The following PP2D1 variants were observed in gnomAD, a reference collection of about 807,000 sequenced individuals.
PP2D1 encodes protein phosphatase 2C like domain containing 1, also known as protein phosphatase 2C-like domain-containing protein 1.
A neutral mutation model predicts 30.2 loss-of-function variants in PP2D1; 25 were observed. That is an observed-to-expected ratio of 0.83 (90% CI 0.60 to 1.16). PP2D1 has a LOEUF of 1.16. Among genes scored for constraint, PP2D1 ranks in the 50% most tolerant of loss-of-function variants. PP2D1 has a pLI of 0.00. For missense variants in PP2D1, 760 were observed against 742.4 expected (o/e 1.02, Z -0.28); for synonymous variants, 260 against 258.9 (o/e 1.00, Z -0.04).
chr3:20,001,102 C>A lies in PP2D1; in HGVS notation c.1018G>T (p.Gly340Trp). Reference sequence around the variant, plus strand: ...TGGGAAGGGGAGCTCTCTGCCAACCCATCATGGGTATTTTTTCTTTTCCAA... The same window carrying A: ...TGGGAAGGGGAGCTCTCTGCCAACCAATCATGGGTATTTTTTCTTTTCCAA... ...KNWKRKNTHDGLAESSPSQEM... is the reference protein window; with the variant it reads ...KNWKRKNTHDWLAESSPSQEM... The change falls in exon 2 of 3, where the codon GGG becomes TGG. Residue 340 changes from glycine (G) to tryptophan (W), a missense_variant. Physicochemically the swap from Gly to Trp is radical, Grantham distance 184. This residue lies in a region of PP2D1 where 17 missense variants were observed against 37.4 expected (regional missense o/e 0.45). Transcript: ENST00000389050. 1.4e-6 allele frequency: 2 copies of A among 1,421,518 alleles called. No homozygotes were observed. The highest frequency in any genetic ancestry group is 1.8e-4 in the Middle Eastern group (1 of 5,478). The allele number at this position is 1,421,518 out of a possible 1,614,324, so 88.1% of individuals were successfully genotyped here. A position where few individuals can be genotyped will look rare whatever the true frequency, so the allele number is the denominator to read the frequency against.
chr3:19,983,639 GA>G, downstream of PP2D1: 2 of 1,010,472 alleles, frequency 2.0e-6, no homozygotes, highest in Non-Finnish European at 3.0e-6. Context: ...AAAAATTATA[GA>G]TAAGCAGGTG....
intron 1 of PP2D1, among the ~76,000 whole-genome samples, chr3:20,006,260 CAAAT>C (rs936932381): frequency 6.6e-6 from 1 of 152,130 alleles, no homozygotes; most frequent in African/African-American, 2.4e-5. Context: ...CAAAAACAAA[CAAAT>C]AAACAAATAC....
chr3:19,983,219 C>G (rs976271649), downstream of PP2D1, among the ~76,000 whole-genome samples: 6 of 151,834 alleles, frequency 4.0e-5, no homozygotes, highest in African/African-American at 1.5e-4. Flanking sequence ...GCCTGTAATT[C>G]CAGCTACTCG....
At chr3:19,984,218 C>A (rs1696989171), downstream of PP2D1, 1 of 419,922 alleles carries the variant, frequency 2.4e-6, no homozygotes, top group Middle Eastern at 4.3e-4. Context: ...CAAAAACATT[C>A]TTTGTTTAGA....
chr3:20,012,018 G>T, intron 1 of PP2D1, 32 bp downstream of exon 1: 1 of 1,484,920 alleles, frequency 6.7e-7, no homozygotes, highest in Non-Finnish European at 9.1e-7. Context: ...TTGGCTATAC[G>T]TATTATCCAA....
At chr3:19,981,462 A>G (rs1002393996), downstream of PP2D1, among the ~76,000 whole-genome samples, 19 of 151,966 alleles carry the variant, frequency 1.3e-4, no homozygotes, top group African/African-American at 4.4e-4. Context: ...AAAAATAGAA[A>G]AATTAGCTGG....
chr3:19,995,634 G>A (rs537857484), intron 2 of PP2D1, among the ~76,000 whole-genome samples: 3 of 152,278 alleles, frequency 2.0e-5, no homozygotes, highest in South Asian at 4.1e-4. Flanking sequence ...CCCACGATAA[G>A]TGAAAAGTCA....
At position 20,001,138 on chromosome 3, in the gene PP2D1, C is replaced by A; in HGVS notation, c.982G>T (p.Ala328Ser). ...TTTTTTCTTTTCCAATTCTTATGAG[C>A]ATAAGGACTTTTAGGTTTGCCTTCC... is the stretch of plus-strand genomic sequence containing the variant. ...ILEGKPKSPY[A>S]HKNWKRKNTH... Residue 328 changes from alanine to serine, a missense_variant, in exon 2 of 3, where the codon GCT (alanine) becomes TCT (serine). Transcript: ENST00000389050. 6.8e-7 allele frequency: 1 copy of A among 1,461,870 alleles called. No homozygotes were observed. The highest frequency in any genetic ancestry group is 9.0e-7 in the Non-Finnish European group (1 of 1,110,400). 90.6% of individuals were successfully genotyped at this position (1,461,870 alleles called of 1,614,324 possible). A position where few individuals can be genotyped will look rare whatever the true frequency, so the allele number is the denominator to read the frequency against.
At chr3:20,008,847 G>T (rs986446524) in intron 1 of PP2D1, among the ~76,000 whole-genome samples, 1 of 152,150 alleles carries the variant, frequency 6.6e-6, no homozygotes, top group African/African-American at 2.4e-5. Context: ...GCACAAGGTT[G>T]CTTTTAGCCT....
chr3:20,000,859 G>T, intron 2 of PP2D1, 171 bp downstream of exon 2: 1 of 397,360 alleles, frequency 2.5e-6, no homozygotes, highest in Non-Finnish European at 4.4e-6. Context: ...TTTTGTGCCT[G>T]CAATCTGCAT....
At chr3:19,989,503 C>CT (rs1697088280) in intron 2 of PP2D1, among the ~76,000 whole-genome samples, 1 of 152,136 alleles carries the variant, frequency 6.6e-6, no homozygotes, top group Non-Finnish European at 1.5e-5. Flanking sequence ...CCCCTCATTT[C>CT]TTTATAGTTT....
intron 2 of PP2D1, among the ~76,000 whole-genome samples, chr3:19,998,410 G>C (rs1329680338): frequency 6.6e-6 from 1 of 151,810 alleles, no homozygotes; most frequent in Non-Finnish European, 1.5e-5. Flanking sequence ...GGTGACTATA[G>C]TTAACAATAA....
At chr3:19,999,107 G>A (rs1349070749) in intron 2 of PP2D1, among the ~76,000 whole-genome samples, 1 of 144,014 alleles carries the variant, frequency 6.9e-6, no homozygotes, top group African/African-American at 2.6e-5. Context: ...TTGAGACAGA[G>A]TCCTGCTCTG....
chr3:19,983,655 T>G, downstream of PP2D1: 8 of 1,192,256 alleles, frequency 6.7e-6, no homozygotes, highest in Non-Finnish European at 9.8e-6. Context: ...CAGGTGAAAC[T>G]GATATTAATA....
At chr3:19,981,047 A>G (rs1217911436), downstream of PP2D1, among the ~76,000 whole-genome samples, 1 of 152,234 alleles carries the variant, frequency 6.6e-6, no homozygotes, top group Non-Finnish European at 1.5e-5. Context: ...GTCTTACCAT[A>G]GTGGTCTGTC....
intron 1 of PP2D1, among the ~76,000 whole-genome samples, chr3:20,006,990 T>TACAC (rs199720604): frequency 3.5e-5 from 5 of 143,020 alleles, no homozygotes; most frequent in African/African-American, 5.1e-5. Context: ...TATATATGTA[T>TACAC]ACACACACAC....
rs1003493391 is a variant in PP2D1, at chr3:19,985,436, T to G, written c.1837A>C (p.Asn613His). The change falls in exon 3 of 3, where the codon AAC becomes CAC. Residue 613 changes from asparagine to histidine, a missense_variant. Coordinates refer to ENST00000389050, the MANE Select transcript of PP2D1 (RefSeq NM_001252657.2). The part of the protein sequence containing the change: ...NAALLAGSRD[N>H]ITVMVIFLNG... ...AGAAATATTACCATAACTGTAATGT[T>G]GTCTCTGGAGCCAGCCAGTAAAGCA... 8 of 1,536,068 alleles carry G rather than the reference T, an allele frequency of 5.2e-6. No homozygotes were observed. Among genetic ancestry groups the G allele is most frequent in the Admixed American group, 2.0e-5 (1 of 50,990 alleles).
chr3:19,983,364 GAAGT>G (rs1048456452), downstream of PP2D1, among the ~76,000 whole-genome samples: 2 of 115,676 alleles, frequency 1.7e-5, no homozygotes, highest in African/African-American at 6.7e-5. Context: ...AAAAAAAAAA[GAAGT>G]AATAATGAGT....
chr3:19,984,549 C>T (rs529989810), downstream of PP2D1: 3 of 177,782 alleles, frequency 1.7e-5, no homozygotes, highest in African/African-American at 7.2e-5. Context: ...TGAAATAAAC[C>T]AGGTGTCTGT....
Sources: allele counts gnomAD v4.1 joint callset (sites outside exome capture counted in the v4.1 genomes callset), GRCh38; gene constraint gnomAD v4.1.1; regional missense constraint gnomAD v4.1.1; transcripts MANE v1.5; gene names NCBI Gene and HGNC (gene_info 2026-07-23, HGNC 2026-07-21).